Variants in PRKCB observed in about 807,000 individuals in gnomAD.
The protein encoded by PRKCB is protein kinase C beta.
A neutral mutation model predicts 81.5 loss-of-function variants in PRKCB; 13 were observed. The ratio of observed to expected loss-of-function variants is 0.16; its 90% CI spans 0.10 to 0.25. The LOEUF is 0.25. PRKCB is among the 10% of genes least tolerant of loss of function. PRKCB has a pLI of 1.00. For missense variants in PRKCB, 509 were observed against 875.7 expected (o/e 0.58, Z 5.29); for synonymous variants, 335 against 321.4 (o/e 1.04, Z -0.45).
At chr16:23,941,188 A>G (rs1415248467) in intron 2 of PRKCB, among the ~76,000 whole-genome samples, 1 of 152,210 alleles carries the variant, frequency 6.6e-6, no homozygotes, top group South Asian at 2.1e-4. Flanking sequence ...GACAATTTAT[A>G]AAGAAGTGAG....
At chr16:24,042,577 ATCTG>A (rs564163902) in intron 5 of PRKCB, among the ~76,000 whole-genome samples, 1 of 152,122 alleles carries the variant, frequency 6.6e-6, no homozygotes, top group Non-Finnish European at 1.5e-5. Context: ...CCATCCATCA[ATCTG>A]TCTTATTTTT....
chr16:24,061,924 A>AC (rs1555494238), intron 5 of PRKCB, among the ~76,000 whole-genome samples: 18 of 149,850 alleles, frequency 1.2e-4, no homozygotes, highest in African/African-American at 4.2e-4. Flanking sequence ...AAAAAAAAAA[A>AC]AAAAAAAAAC....
chr16:23,926,887 G>T (rs981017859), intron 2 of PRKCB, among the ~76,000 whole-genome samples: 3 of 152,070 alleles, frequency 2.0e-5, no homozygotes, highest in Admixed American at 6.6e-5. Context: ...TGTCCTGCCA[G>T]ATTTTTAAAA....
intron 5 of PRKCB, among the ~76,000 whole-genome samples, chr16:24,092,332 GC>G (rs1359757564): frequency 1.3e-5 from 2 of 152,184 alleles, no homozygotes; most frequent in East Asian, 3.8e-4. Context: ...ATTCACAACA[GC>G]CAAAAAGTGG....
At chr16:23,847,385 T>C (rs879265128) in intron 2 of PRKCB, among the ~76,000 whole-genome samples, 5,891 of 120,036 alleles carry the variant, frequency 0.049, 205 homozygotes, top group Non-Finnish European at 0.072. Flanking sequence ...TCTGTCCATC[T>C]ATCTATCTAT....
intron 2 of PRKCB, among the ~76,000 whole-genome samples, chr16:23,932,114 C>T (rs567241451): frequency 6.6e-6 from 1 of 152,192 alleles, no homozygotes; most frequent in South Asian, 2.1e-4. Context: ...TTGATTTCTT[C>T]ACGAAACCAA....
intron 10 of PRKCB, among the ~76,000 whole-genome samples, chr16:24,168,681 G>T (rs1596579546): frequency 6.9e-6 from 1 of 144,724 alleles, no homozygotes; most frequent in African/African-American, 2.5e-5. Context: ...CTCCCGAGTA[G>T]CTGGGACTAC....
chr16:23,936,035 T>G (rs77484493), intron 2 of PRKCB, among the ~76,000 whole-genome samples: 8 of 152,148 alleles, frequency 5.3e-5, no homozygotes, highest in African/African-American at 1.4e-4. Context: ...ATTTAAAAAA[T>G]GTTTAAAATC....
At chr16:23,926,611 A>G (rs1963900591) in intron 2 of PRKCB, among the ~76,000 whole-genome samples, 2 of 151,208 alleles carry the variant, frequency 1.3e-5, no homozygotes. Flanking sequence ...ACATACGTGT[A>G]TATATGTATA....
chr16:24,099,275 C>G (rs1402987936), intron 7 of PRKCB: 1 of 152,162 alleles, frequency 6.6e-6, no homozygotes, highest in African/African-American at 2.4e-5. Context: ...TTTGTGAGCT[C>G]CTGGTGACCG....
intron 2 of PRKCB, among the ~76,000 whole-genome samples, chr16:23,944,835 G>A (rs969830151): frequency 1.3e-5 from 2 of 152,210 alleles, no homozygotes; most frequent in African/African-American, 2.4e-5. Context: ...TGAATTTCAT[G>A]TGAATTGACT....
chr16:24,005,604 G>C (rs1425145871), intron 3 of PRKCB, among the ~76,000 whole-genome samples: 1 of 152,180 alleles, frequency 6.6e-6, no homozygotes, highest in Non-Finnish European at 1.5e-5. Context: ...TCAGTTCCTG[G>C]ACTGAGCATC....
intron 9 of PRKCB, among the ~76,000 whole-genome samples, chr16:24,127,531 C>T (rs1966846639): frequency 6.6e-6 from 1 of 152,052 alleles, no homozygotes. Context: ...CTCAAAAGTT[C>T]ATGTACTACG....
At chr16:24,196,810 G>GTAGCA (rs1967886891) in intron 16 of PRKCB, among the ~76,000 whole-genome samples, 1 of 152,236 alleles carries the variant, frequency 6.6e-6, no homozygotes, top group East Asian at 1.9e-4. Context: ...AGAACCTGTT[G>GTAGCA]TAGCAGTGCA....
At chr16:24,187,010 G>GA (rs1159005510) in intron 15 of PRKCB, among the ~76,000 whole-genome samples, 2 of 148,350 alleles carry the variant, frequency 1.3e-5, no homozygotes, top group East Asian at 4.0e-4. Flanking sequence ...AGCCCATAAA[G>GA]AAAAAAAAGG....
chr16:24,114,756 C>T (rs918995472), intron 8 of PRKCB, among the ~76,000 whole-genome samples: 1 of 152,022 alleles, frequency 6.6e-6, no homozygotes, highest in Non-Finnish European at 1.5e-5. Flanking sequence ...TCTAGATAAA[C>T]CATGATGGCC....
chr16:24,068,849 G>T (rs1284623224), intron 5 of PRKCB, among the ~76,000 whole-genome samples: 3 of 152,194 alleles, frequency 2.0e-5, no homozygotes, highest in Non-Finnish European at 4.4e-5. Context: ...ATTTCTTTCA[G>T]ATCCTGGTAG....
At chr16:24,026,122 A>G (rs1350415758) in intron 3 of PRKCB, among the ~76,000 whole-genome samples, 1 of 151,908 alleles carries the variant, frequency 6.6e-6, no homozygotes, top group African/African-American at 2.4e-5. Flanking sequence ...CATAGCAAAA[A>G]CCCTGTCTCT....
intron 2 of PRKCB, among the ~76,000 whole-genome samples, chr16:23,881,659 A>G (rs971942540): frequency 6.6e-6 from 1 of 152,264 alleles, no homozygotes; most frequent in Non-Finnish European, 1.5e-5. Context: ...AAAAATAATT[A>G]CAAAATTTTA....
Sources: gnomAD v4.1 joint callset for allele counts (sites outside exome capture counted in the v4.1 genomes callset) on GRCh38, gnomAD v4.1.1 for gene constraint, MANE v1.5 for transcripts, NCBI Gene and HGNC (gene_info 2026-07-23, HGNC 2026-07-21) for gene names.